Variants in AUTS2 observed in about 807,000 individuals in gnomAD.
AUTS2 encodes autism susceptibility gene 2 protein.
A neutral mutation model predicts 112.4 loss-of-function variants in AUTS2; 17 were observed. That is an observed-to-expected ratio of 0.15 (90% confidence interval 0.10 to 0.23). The LOEUF (loss-of-function observed/expected upper bound fraction) is 0.23. Ranked by LOEUF, AUTS2 falls within the 10% of genes least tolerant of loss-of-function variation. AUTS2 has a pLI of 1.00. For synonymous variants in AUTS2, 751 were observed against 702.7 expected (o/e 1.07, Z -1.09); for missense variants, 1,510 against 1,701.6 (o/e 0.89, Z 1.98).
intron 1 of AUTS2, among the ~76,000 whole-genome samples, chr7:69,622,546 G>A (rs1392127139): frequency 6.6e-6 from 1 of 152,190 alleles, no homozygotes; most frequent in African/African-American, 2.4e-5. Context: ...TTTCAACAAT[G>A]TAATAATGAT....
At chr7:69,728,628 T>C (rs950050059) in intron 1 of AUTS2, among the ~76,000 whole-genome samples, 1 of 151,740 alleles carries the variant, frequency 6.6e-6, no homozygotes, top group African/African-American at 2.4e-5. Flanking sequence ...TCAAGTAATA[T>C]GTTCTTTGGG....
In AUTS2 at chr7:69,648,918, A is replaced by G. The variant is rs541236279; in HGVS notation, c.309+48956A>G. ...TGAATTTGGTTGTTCATCATTTTTT[A>G]TAGTGTGTTTTAATTAAGAACTTAG... is the stretch of plus-strand genomic sequence containing the variant. On this transcript the variant is annotated intron_variant, in intron 1 of 18. Transcript: ENST00000342771. Among the ~76,000 whole-genome samples the G allele has an allele frequency of 2.2e-4, 33 of 152,282 alleles. No individual in the cohort carries two copies. The South Asian group carries it at 3.5e-3, about 16-fold the overall frequency.
At chr7:69,960,485 A>G (rs1797385790) in intron 2 of AUTS2, among the ~76,000 whole-genome samples, 1 of 152,184 alleles carries the variant, frequency 6.6e-6, no homozygotes, top group South Asian at 2.1e-4. Context: ...TTCATGCTGC[A>G]CAACCAGTTA....
chr7:70,080,017 C>T (rs1803225858), intron 2 of AUTS2, among the ~76,000 whole-genome samples: 3 of 152,064 alleles, frequency 2.0e-5, no homozygotes, highest in Admixed American at 6.5e-5. Context: ...CCCTCATGAC[C>T]TAAACATTTC....
intron 2 of AUTS2, among the ~76,000 whole-genome samples, chr7:70,024,770 G>T (rs917568398): frequency 6.6e-6 from 1 of 152,134 alleles, no homozygotes; most frequent in Non-Finnish European, 1.5e-5. Context: ...TTGCAGTCTT[G>T]AGGCAAAATC....
chr7:69,852,127 C>T (rs775812824), intron 1 of AUTS2, among the ~76,000 whole-genome samples: 2 of 152,052 alleles, frequency 1.3e-5, no homozygotes, highest in Non-Finnish European at 2.9e-5. Context: ...GGTAGTTGTT[C>T]TTTGAAGCTG....
intron 1 of AUTS2, among the ~76,000 whole-genome samples, chr7:69,766,325 C>T (rs1255342676): frequency 6.6e-6 from 1 of 151,970 alleles, no homozygotes; most frequent in African/African-American, 2.4e-5. Context: ...ATGTGTATAC[C>T]ACATTTTGCT....
chr7:69,655,252 G>A (rs755060035), intron 1 of AUTS2, among the ~76,000 whole-genome samples: 8 of 152,146 alleles, frequency 5.3e-5, no homozygotes, highest in African/African-American at 1.7e-4. Flanking sequence ...ACAACCGGCC[G>A]CTTATACAGC....
At chr7:70,002,360 A>T (rs1385535594) in intron 2 of AUTS2, among the ~76,000 whole-genome samples, 1 of 152,146 alleles carries the variant, frequency 6.6e-6, no homozygotes, top group Admixed American at 6.6e-5. Flanking sequence ...TCCAGTGGTG[A>T]TTAAATTTTA....
At chr7:70,044,241 G>T (rs1335853415) in intron 2 of AUTS2, among the ~76,000 whole-genome samples, 1 of 152,160 alleles carries the variant, frequency 6.6e-6, no homozygotes, top group Admixed American at 6.5e-5. Context: ...GTAGAAGTAA[G>T]CATGAGACAG....
At position 69,882,065 on chromosome 7, in the gene AUTS2, G is replaced by A. The variant is rs142950168; in HGVS notation, c.310-17221G>A. Among the ~76,000 whole-genome samples the A allele has an allele frequency of 8.9e-3, 1,322 of 148,146 alleles. 23 individuals carry two copies. The highest frequency in any genetic ancestry group is 0.032 in the African/African-American group (1,256 of 39,840). On this transcript the variant is annotated intron_variant, in intron 1 of 18. Transcript: ENST00000342771. ...CTCAGGAGGCTGAGGCAGGAGAATC[G>A]CTTGAAACTGGGAGACGGAAGTTGT...
At chr7:70,670,849 G>A (rs919689742) in intron 5 of AUTS2, among the ~76,000 whole-genome samples, 2 of 152,198 alleles carry the variant, frequency 1.3e-5, no homozygotes, top group African/African-American at 4.8e-5. Context: ...AGGGTTGACA[G>A]TAGCCACCCT....
At chr7:69,755,694 A>G (rs1217366744) in intron 1 of AUTS2, among the ~76,000 whole-genome samples, 2 of 152,088 alleles carry the variant, frequency 1.3e-5, no homozygotes, top group Non-Finnish European at 2.9e-5. Flanking sequence ...ATTATTACTC[A>G]TTTAATTTTT....
chr7:70,528,112 T>TA lies in AUTS2; in HGVS notation c.690+92331_690+92332insA, dbSNP rs1563018226. 3.9e-4 allele frequency among the ~76,000 whole-genome samples: 58 copies of TA among 149,724 alleles called. 1 individual carries two copies. Among genetic ancestry groups the TA allele is most frequent in the East Asian group, 1.2e-3 (6 of 5,124 alleles). The stretch of plus-strand genomic sequence containing the variant: ...TTAAGGATTTTTTTTTTTTTTTTTT[T>TA]TTTTTTTACTGGAGTGTTACACAGA... On this transcript the variant is annotated intron_variant, in intron 5 of 18. Coordinates refer to ENST00000342771, the MANE Select transcript of AUTS2 (RefSeq NM_015570.4).
intron 4 of AUTS2, among the ~76,000 whole-genome samples, chr7:70,408,111 G>A (rs1049442928): frequency 6.6e-6 from 1 of 151,206 alleles, no homozygotes; most frequent in Non-Finnish European, 1.5e-5. Flanking sequence ...AGCCCAGGGT[G>A]TTGAGGCTAC....
At chr7:70,366,524 T>A (rs904351333) in intron 4 of AUTS2, among the ~76,000 whole-genome samples, 2 of 152,000 alleles carry the variant, frequency 1.3e-5, no homozygotes, top group African/African-American at 2.4e-5. Context: ...TAGTGAGAGA[T>A]AAAACAGGAA....
chr7:70,774,898 A>G (rs868074565), intron 12 of AUTS2: 17 of 159,928 alleles, frequency 1.1e-4, no homozygotes, highest in Admixed American at 1.9e-4. Context: ...TAAATAATGT[A>G]AAGTCATCAA....
intron 1 of AUTS2, among the ~76,000 whole-genome samples, chr7:69,707,393 A>C (rs1433709599): frequency 6.6e-6 from 1 of 152,222 alleles, no homozygotes. Flanking sequence ...AGCTTATTAC[A>C]GAACTCAGAG....
chr7:69,753,122 A>G (rs940833538), intron 1 of AUTS2, among the ~76,000 whole-genome samples: 1 of 152,180 alleles, frequency 6.6e-6, no homozygotes, highest in Non-Finnish European at 1.5e-5. Flanking sequence ...TGGGATGGTA[A>G]TAGCTACCTC....
Sources: gnomAD v4.1 joint callset for allele counts (sites outside exome capture counted in the v4.1 genomes callset) on GRCh38, gnomAD v4.1.1 for gene constraint, MANE v1.5 for transcripts, NCBI Gene and HGNC (gene_info 2026-07-23, HGNC 2026-07-21) for gene names.